EPM2A: variants seen among roughly 807,000 people sequenced by gnomAD.
EPM2A encodes the protein laforin.
In EPM2A, 21 loss-of-function variants were observed where a neutral mutation model predicts 26.5. The observed-to-expected ratio is 0.79, with a 90% CI of 0.56 to 1.14. The LOEUF (loss-of-function observed/expected upper bound fraction) is 1.14, where lower values mean the gene tolerates loss of function less well. EPM2A is among the 50% of genes most tolerant of loss of function. The pLI is 0.00. For synonymous variants in EPM2A, 217 were observed against 177.6 expected, an observed-to-expected ratio of 1.22 and a Z score of -1.76; for missense variants, 458 against 440.8, an observed-to-expected ratio of 1.04 and a Z score of -0.35.
intron 4 of EPM2A, among the ~76,000 whole-genome samples, chr6:145,472,622 C>G (rs765481990): frequency 2.0e-5 from 3 of 152,042 alleles, no homozygotes; most frequent in Non-Finnish European, 2.9e-5. Context: ...CAGAGGAAGT[C>G]TGGCAGTACT....
chr6:145,698,147 G>A (rs112946556), intron 1 of EPM2A, among the ~76,000 whole-genome samples: 2,764 of 152,226 alleles, frequency 0.018, 44 homozygotes, highest in Middle Eastern at 0.034. Flanking sequence ...CAGTCCCTCC[G>A]TTCAGGGTCC....
At chr6:145,643,294 T>C (rs938839798) in intron 2 of EPM2A, among the ~76,000 whole-genome samples, 2 of 152,166 alleles carry the variant, frequency 1.3e-5, no homozygotes, top group Non-Finnish European at 2.9e-5. Context: ...TCATCAACAT[T>C]TTATTTATTA....
At chr6:145,632,584 G>T (rs1776346265) in intron 3 of EPM2A, among the ~76,000 whole-genome samples, 1 of 152,164 alleles carries the variant, frequency 6.6e-6, no homozygotes, top group Non-Finnish European at 1.5e-5. Flanking sequence ...ACAAAAGCAT[G>T]CAAGAGTAAG....
chr6:145,587,541 A>G (rs1397802122), intron 2 of EPM2A, among the ~76,000 whole-genome samples: 1 of 152,196 alleles, frequency 6.6e-6, no homozygotes, highest in Non-Finnish European at 1.5e-5. Context: ...GCTGTGATCC[A>G]TTAGTAAACA....
At chr6:145,581,422 A>C (rs185849104) in intron 2 of EPM2A, among the ~76,000 whole-genome samples, 40 of 152,196 alleles carry the variant, frequency 2.6e-4, no homozygotes, top group African/African-American at 8.4e-4. Context: ...TAGCTTGCAA[A>C]TATTTTCTTC....
At chr6:145,734,927 G>A (rs1461843858) in intron 1 of EPM2A, 4 of 241,976 alleles carry the variant, frequency 1.7e-5, no homozygotes, top group African/African-American at 2.3e-5. Flanking sequence ...CCAGGTCAGA[G>A]GGGCAGGCAA....
At chr6:145,646,220 G>C (rs551889326) in intron 2 of EPM2A, among the ~76,000 whole-genome samples, 1 of 152,048 alleles carries the variant, frequency 6.6e-6, no homozygotes, top group Non-Finnish European at 1.5e-5. Flanking sequence ...GCAGTGGCGC[G>C]ATCTTGGCTC....
At chr6:145,468,041 T>C (rs568124898) in intron 4 of EPM2A, among the ~76,000 whole-genome samples, 4 of 152,214 alleles carry the variant, frequency 2.6e-5, no homozygotes, top group South Asian at 2.1e-4. Flanking sequence ...TTTGGATATA[T>C]GCTAGTTTAA....
At chr6:145,628,442 A>C (rs1164200843) in intron 3 of EPM2A, 1 of 152,290 alleles carries the variant, frequency 6.6e-6, no homozygotes, top group Non-Finnish European at 1.5e-5. Context: ...CCGCTCTCTC[A>C]TCCCGTGGGA....
At chr6:145,568,796 C>T (rs1780918135) in intron 2 of EPM2A, among the ~76,000 whole-genome samples, 1 of 152,174 alleles carries the variant, frequency 6.6e-6, no homozygotes, top group Non-Finnish European at 1.5e-5. Flanking sequence ...GTGGTGTCAG[C>T]AGCAAGCCAA....
At chr6:145,705,965 T>C (rs1223900597) in intron 1 of EPM2A, 4 of 456,378 alleles carry the variant, frequency 8.8e-6, no homozygotes, top group Admixed American at 2.4e-5. Context: ...GTATATGTGA[T>C]GGGAATTCAA....
chr6:145,492,011 G>C (rs914699219), intron 4 of EPM2A: 1 of 385,782 alleles, frequency 2.6e-6, no homozygotes, highest in African/African-American at 2.2e-5. Flanking sequence ...TCCCGATCTT[G>C]CTGTTTATTC....
At chr6:145,692,716 G>A (rs926722617) in intron 1 of EPM2A, among the ~76,000 whole-genome samples, 1 of 152,006 alleles carries the variant, frequency 6.6e-6, no homozygotes, top group African/African-American at 2.4e-5. Flanking sequence ...TGTCAAATCA[G>A]ATGGTTTTAG....
chr6:145,417,384 C>A (rs1778723078), intron 4 of EPM2A, among the ~76,000 whole-genome samples: 1 of 152,188 alleles, frequency 6.6e-6, no homozygotes, highest in African/African-American at 2.4e-5. Context: ...CCATTAGCAT[C>A]TCAGGCAGTT....
chr6:145,438,972 C>G (rs909074297), intron 4 of EPM2A, among the ~76,000 whole-genome samples: 20 of 152,120 alleles, frequency 1.3e-4, no homozygotes, highest in African/African-American at 4.8e-4. Context: ...CCATCCTCTG[C>G]TCTCATGTAG....
Position 145,555,334 on chromosome 6 carries a change from G to A in EPM2A, c.341-52759C>T, listed in dbSNP as rs78182833. ...GACTTCCCCTCCTCCCAGCCTTTGT[G>A]CATATGGCTTCCTGTGCCCAGAACA... On this transcript the variant is annotated intron_variant, in intron 2 of 3. Coordinates refer to the EPM2A transcript ENST00000450221. 5.2e-3 allele frequency among the ~76,000 whole-genome samples: 789 copies of A among 152,106 alleles called. 1 individual carries two copies. The highest frequency in any genetic ancestry group is 8.1e-3 in the Non-Finnish European group (552 of 67,950).
At chr6:145,569,993 G>A (rs1331786932) in intron 2 of EPM2A, among the ~76,000 whole-genome samples, 4 of 152,158 alleles carry the variant, frequency 2.6e-5, no homozygotes, top group Non-Finnish European at 5.9e-5. Context: ...CGATGTTCGA[G>A]GGCAGGAAGC....
chr6:145,620,279 A>G (rs1418800822), intron 2 of EPM2A, among the ~76,000 whole-genome samples: 1 of 152,162 alleles, frequency 6.6e-6, no homozygotes, highest in Non-Finnish European at 1.5e-5. Context: ...GATCCCTCGC[A>G]TGTGCAGTTC....
chr6:145,650,711 A>G (rs1274386571), intron 2 of EPM2A, among the ~76,000 whole-genome samples: 2 of 152,162 alleles, frequency 1.3e-5, no homozygotes, highest in East Asian at 3.9e-4. Flanking sequence ...CAACTTCTCC[A>G]TATCTAATCA....
Sources: gnomAD v4.1 joint callset for allele counts (sites outside exome capture counted in the v4.1 genomes callset) on GRCh38, gnomAD v4.1.1 for gene constraint, MANE v1.5 for transcripts, NCBI Gene and HGNC (gene_info 2026-07-23, HGNC 2026-07-21) for gene names.